Variants in SPARCL1 observed in about 807,000 individuals in gnomAD.
The protein encoded by SPARCL1 is SPARC like 1.
Under a neutral mutation model 67.1 loss-of-function variants are expected in SPARCL1, and 52 were observed. That is an observed-to-expected ratio of 0.78 (90% CI 0.62 to 0.98). The LOEUF is 0.98. SPARCL1 is among the 50% of genes least tolerant of loss of function. SPARCL1 has a pLI of 0.00. For missense variants in SPARCL1, 717 were observed against 782.4 expected (o/e 0.92, Z 1.00); for synonymous variants, 226 against 267.8 (o/e 0.84, Z 1.52).
intron 2 of SPARCL1, among the ~76,000 whole-genome samples, chr4:87,498,576 T>C (rs1470902788): frequency 6.6e-6 from 1 of 152,218 alleles, no homozygotes; most frequent in Non-Finnish European, 1.5e-5. Context: ...AACTTTCAGT[T>C]TGTTTTGAGG....
At chr4:87,500,810 G>T (rs759568802) in intron 1 of SPARCL1, among the ~76,000 whole-genome samples, 1 of 148,032 alleles carries the variant, frequency 6.8e-6, no homozygotes, top group South Asian at 2.1e-4. Context: ...ACGCGCGCAC[G>T]CACACACTTC....
rs563369170 is a variant in SPARCL1 at position 87,512,401 on chromosome 4, A to G, written c.-11-12816T>C. 4.6e-5 allele frequency among the ~76,000 whole-genome samples: 7 copies of G among 152,270 alleles called. No homozygotes were observed. In the East Asian group the frequency reaches 1.4e-3, roughly 29 times the overall value. On this transcript the variant is annotated intron_variant, in intron 1 of 10. Coordinates refer to ENST00000282470, the MANE Select transcript of SPARCL1 (RefSeq NM_004684.6). ...CACAACTTCTGGGCTTCATTTCCCTATGATGTGGGCCTTAACCTTGTGATT... is the reference window on the plus strand; with the variant it reads ...CACAACTTCTGGGCTTCATTTCCCTGTGATGTGGGCCTTAACCTTGTGATT...
In SPARCL1 at chr4:87,501,969, ATTT is replaced by A. The variant is rs55737224; in HGVS notation, c.-11-2387_-11-2385del. On this transcript the variant is annotated intron_variant, in intron 1 of 10. Coordinates refer to ENST00000282470, the MANE Select transcript of SPARCL1 (RefSeq NM_004684.6). ...CTTTTACCTTACATCTCTCCTATTG[ATTT>A]TTTTTTTTTTCCTGGAGATAGGGTT... Among the ~76,000 whole-genome samples the A allele has an allele frequency of 2.6e-4, 37 of 144,624 alleles. 1 individual carries two copies. The East Asian group carries it at 5.0e-3, about 20-fold the overall frequency. The allele number at this position is 144,624 out of a possible 152,430, so 94.9% of individuals were successfully genotyped here. A position where few individuals can be genotyped will look rare whatever the true frequency, so the allele number is the denominator to read the frequency against.
intron 1 of SPARCL1, among the ~76,000 whole-genome samples, chr4:87,504,135 T>TTGTG (rs70957258): frequency 0.11 from 3,385 of 30,796 alleles, 424 homozygotes; most frequent in Non-Finnish European, 0.16. Context: ...TGATTTGGTA[T>TTGTG]TGTGTGTGTG....
chr4:87,494,841 T>C (rs1724551020), intron 3 of SPARCL1, 140 bp downstream of exon 3: 1 of 789,150 alleles, frequency 1.3e-6, no homozygotes, highest in East Asian at 2.7e-5. Flanking sequence ...CTTCTAGTGA[T>C]TGGAGGCAGT....
chr4:87,502,916 A>AGATTT (rs1444109836), intron 1 of SPARCL1, among the ~76,000 whole-genome samples: 1 of 152,220 alleles, frequency 6.6e-6, no homozygotes, highest in Non-Finnish European at 1.5e-5. Context: ...TATTACAGGG[A>AGATTT]GATTTTCTTT....
intron 1 of SPARCL1, among the ~76,000 whole-genome samples, chr4:87,525,692 C>T (rs1726009817): frequency 1.3e-5 from 2 of 152,270 alleles, no homozygotes; most frequent in South Asian, 4.1e-4. Context: ...CATTTAGCTA[C>T]TGCAATGGGT....
intron 8 of SPARCL1, 37 bp from the exon 9 acceptor site, chr4:87,480,557 G>C (rs1723777243): frequency 6.3e-7 from 1 of 1,582,292 alleles, no homozygotes; most frequent in Non-Finnish European, 8.6e-7. Context: ...CAGAGAATCA[G>C]ACAAATGTAA....
chr4:87,479,371 G>C (rs1723709168), intron 10 of SPARCL1, 59 bp downstream of exon 10: 13 of 1,557,468 alleles, frequency 8.3e-6, no homozygotes, highest in African/African-American at 1.4e-5. Flanking sequence ...AAGCATGCAG[G>C]GCTTAGGGCT....
Position 87,490,201 on chromosome 4 carries a change from T to A in SPARCL1, c.1531+72A>T, listed in dbSNP as rs1724256329. The A allele has an allele frequency of 6.9e-6, 10 of 1,452,000 alleles. No individual in the cohort carries two copies. The East Asian group carries it at 2.5e-4, about 36-fold the overall frequency. The allele number at this position is 1,452,000 out of a possible 1,614,324, so 89.9% of individuals were successfully genotyped here. On this transcript the variant is annotated intron_variant, in intron 7 of 10. Coordinates refer to ENST00000282470, the MANE Select transcript of SPARCL1 (RefSeq NM_004684.6). Reference sequence around the variant, plus strand: ...CAGCTTTTCCCTGTTTGCATATAGATAATTCAGGCATGTCCAGATTCACCC... The same window carrying A: ...CAGCTTTTCCCTGTTTGCATATAGAAAATTCAGGCATGTCCAGATTCACCC...
At chr4:87,517,042 G>A (rs1725609693) in intron 1 of SPARCL1, among the ~76,000 whole-genome samples, 2 of 152,150 alleles carry the variant, frequency 1.3e-5, no homozygotes, top group Non-Finnish European at 2.9e-5. Flanking sequence ...TATAGTGGGA[G>A]ACATTATTTT....
At chr4:87,511,695 A>G (rs917368461) in intron 1 of SPARCL1, among the ~76,000 whole-genome samples, 3 of 152,144 alleles carry the variant, frequency 2.0e-5, no homozygotes, top group African/African-American at 7.2e-5. Context: ...TCAGGAAATT[A>G]TCCATTGCCT....
chr4:87,504,134 A>ATT (rs1358351269), intron 1 of SPARCL1, among the ~76,000 whole-genome samples: 1,235 of 73,248 alleles, frequency 0.017, 14 homozygotes, highest in Admixed American at 0.036. Context: ...GTGATTTGGT[A>ATT]TTGTGTGTGT....
At chr4:87,484,164 A>G (rs1578095963) in intron 7 of SPARCL1, among the ~76,000 whole-genome samples, 1 of 152,164 alleles carries the variant, frequency 6.6e-6, no homozygotes, top group South Asian at 2.1e-4. Context: ...GCCCATGCCT[A>G]TGTCCTGAAT....
At position 87,493,909 on chromosome 4, in the gene SPARCL1, C is replaced by A. The variant is rs142254899; in HGVS notation, c.891G>T (p.Glu297Asp). The stretch of plus-strand genomic sequence containing the variant: ...TGATAGCTTCTAGGCCAGTTTTACC[C>A]TCTTGACTCTGCCATTCAGTTTCTT... ...HIQETEWQSQ[E>D]GKTGLEAISN... Residue 297 changes from glutamate to aspartate, a missense_variant, in exon 4 of 11, where the codon GAG becomes GAT. Glu to Asp is a conservative substitution (Grantham distance 45). Coordinates refer to ENST00000282470, the MANE Select transcript of SPARCL1 (RefSeq NM_004684.6). 1.1e-5 allele frequency: 18 copies of A among 1,614,014 alleles called. 1 individual carries two copies. The East Asian group carries it at 4.0e-4, about 36-fold the overall frequency.
At chr4:87,510,914 G>A (rs1266959139) in intron 1 of SPARCL1, among the ~76,000 whole-genome samples, 1 of 152,224 alleles carries the variant, frequency 6.6e-6, no homozygotes, top group Non-Finnish European at 1.5e-5. Context: ...ACACCTGGAC[G>A]CTGGTGAGGG....
chr4:87,495,079 C>T lies in SPARCL1; in HGVS notation c.103G>A (p.Val35Ile), dbSNP rs1232554795. ...GGGATTGCAGTGTTGTCAGGTGCTA[C>T]CGTTTCAGCAGTTGGTTTGGAATGA... Reference protein sequence around the residue: ...SDHSKPTAETVAPDNTAIPSL... With the variant: ...SDHSKPTAETIAPDNTAIPSL... Residue 35 changes from valine to isoleucine, a missense_variant, in exon 3 of 11, where the codon GTA (valine) becomes ATA (isoleucine). Transcript: ENST00000282470. 1.2e-6 allele frequency: 2 copies of T among 1,611,576 alleles called. No homozygotes were observed. Among genetic ancestry groups the T allele is most frequent in the African/African-American group, 2.7e-5 (2 of 74,812 alleles).
At chr4:87,520,246 C>CAA (rs71667860) in intron 1 of SPARCL1, among the ~76,000 whole-genome samples, 24,784 of 105,002 alleles carry the variant, frequency 0.24, 3,554 homozygotes, top group African/African-American at 0.34. Flanking sequence ...GACACTGTCT[C>CAA]AAAAAAAAAA....
rs561514917 is a variant in SPARCL1, at chr4:87,486,837, T to A, written c.1531+3436A>T. Among the ~76,000 whole-genome samples the A allele has an allele frequency of 3.7e-4, 55 of 150,604 alleles. 1 individual carries two copies. The South Asian group carries it at 0.011, about 31-fold the overall frequency. On this transcript the variant is annotated intron_variant, in intron 7 of 10. Coordinates refer to ENST00000282470, the MANE Select transcript of SPARCL1 (RefSeq NM_004684.6). ...TGATGCCCTTCTTTGTGTTTTTTGA[T>A]CTTTGTTGGTTTAAAGCCTGTTTTA...
Sources: allele counts gnomAD v4.1 joint callset (sites outside exome capture counted in the v4.1 genomes callset), GRCh38; gene constraint gnomAD v4.1.1; transcripts MANE v1.5; gene names NCBI Gene and HGNC (gene_info 2026-07-23, HGNC 2026-07-21).